Variants in MYH14 observed in about 807,000 individuals in gnomAD.
MYH14 encodes the protein myosin-14.
A neutral mutation model predicts 255.5 loss-of-function variants in MYH14; 123 were observed. The ratio of observed to expected loss-of-function variants is 0.48; its 90% CI spans 0.42 to 0.56. The LOEUF (loss-of-function observed/expected upper bound fraction) is 0.56, where lower values mean the gene tolerates loss of function less well. Among genes scored for constraint, MYH14 ranks in the 20% least tolerant of loss-of-function variants. MYH14 has a pLI of 0.00. For synonymous variants in MYH14, 1,095 were observed against 1,161.2 expected (o/e 0.94, Z 1.16); for missense variants, 2,423 against 2,802.3 (o/e 0.86, Z 3.06).
chr19:50,229,735 A>G (rs2033282349), intron 8 of MYH14, among the ~76,000 whole-genome samples: 1 of 152,218 alleles, frequency 6.6e-6, no homozygotes, highest in Admixed American at 6.5e-5. Context: ...GAGAGCATGC[A>G]GAGTGACAGT....
At chr19:50,306,077 G>A (rs569634530) in intron 40 of MYH14, among the ~76,000 whole-genome samples, 169 of 152,140 alleles carry the variant, frequency 1.1e-3, no homozygotes, top group African/African-American at 3.9e-3. Flanking sequence ...TTGGGAGTTC[G>A]AGACCAGCCT....
intron 24 of MYH14, 130 bp from the exon 25 acceptor site, chr19:50,271,279 C>T: frequency 2.2e-6 from 2 of 913,822 alleles, no homozygotes; most frequent in Non-Finnish European, 3.3e-6. Flanking sequence ...CCCGGCCTCA[C>T]CCAGGGCATG....
chr19:50,250,587 G>T lies in MYH14; in HGVS notation c.1729G>T (p.Val577Leu), dbSNP rs1180522078. The T allele has an allele frequency of 1.9e-6, 3 of 1,614,094 alleles. No individual in the cohort carries two copies. Among genetic ancestry groups the T allele is most frequent in the Non-Finnish European group, 1.7e-6 (2 of 1,179,966 alleles). The change falls in exon 15 of 43, where the codon GTG becomes TTG. Residue 577 changes from valine (V) to leucine (L), a missense_variant. Physicochemically the swap from Val to Leu is conservative, Grantham distance 32. This residue lies in a region of MYH14 where 672 missense variants were observed against 881.8 expected (regional missense o/e 0.76). Transcript: ENST00000642316. This position sits in a 1 kb window ranked among gnomAD's most constrained non-coding sequence, Gnocchi z 5.4. ...CCCGAAGGCCACAGACAAGTCGTTT[G>T]TGGAGAAGGTAGCCCAGGAGCAGGG... ...WFPKATDKSFVEKVAQEQGGH... is the reference protein window; with the variant it reads ...WFPKATDKSFLEKVAQEQGGH...
chr19:50,252,704 C>A lies in MYH14; in HGVS notation c.1896C>A (p.Ala632=). The change falls in exon 16 of 43, where the codon GCC becomes GCA. Residue 632 remains alanine (A), a synonymous_variant. Transcript: ENST00000642316. This position sits in a 1 kb window ranked among gnomAD's most constrained non-coding sequence, Gnocchi z 4.2. ...NMDPLNDNVA[A]LLHQSTDRLT... ...ACCCTCTGAATGACAACGTCGCAGC[C>A]TTGCTCCACCAGAGCACAGACCGGC... 1 of 1,601,424 alleles carries A rather than the reference C, an allele frequency of 6.2e-7. No homozygotes were observed. The highest frequency in any genetic ancestry group is 8.5e-7 in the Non-Finnish European group (1 of 1,174,350).
At chr19:50,273,632 G>GTGTGTGTGTGTGTGTGT (rs1568526399) in intron 27 of MYH14, among the ~76,000 whole-genome samples, 3 of 151,252 alleles carry the variant, frequency 2.0e-5, no homozygotes, top group Non-Finnish European at 2.9e-5. Flanking sequence ...GTGTGTGTGT[G>GTGTGTGTGTGTGTGTGT]GTTAAGAACA....
intron 16 of MYH14, 37 bp from the exon 17 acceptor site, chr19:50,255,183 C>A: frequency 7.3e-7 from 1 of 1,375,900 alleles, no homozygotes; most frequent in African/African-American, 1.4e-5. Context: ...CTGCCATCTC[C>A]CCTCCACCCA....
Position 50,210,651 on chromosome 19 carries a change from A to T in MYH14, c.286A>T (p.Ile96Phe). ...GRRLRLPRDQ[I>F]QRMNPPKFSK... ...GCGGCTGCGACTGCCGCGGGACCAG[A>T]TCCAGCGCATGAACCCGCCCAAGTT... The change falls in exon 2 of 43, where the codon ATC (isoleucine) becomes TTC (phenylalanine). Residue 96 changes from isoleucine to phenylalanine, a missense_variant. Coordinates refer to ENST00000642316, the MANE Select transcript of MYH14 (RefSeq NM_001145809.2). 3 of 1,571,694 alleles carry T rather than the reference A, an allele frequency of 1.9e-6. No individual in the cohort carries two copies. The highest frequency in any genetic ancestry group is 2.6e-6 in the Non-Finnish European group (3 of 1,159,876).
At chr19:50,215,228 G>A (rs1338615298) in intron 2 of MYH14, among the ~76,000 whole-genome samples, 1 of 152,178 alleles carries the variant, frequency 6.6e-6, no homozygotes, top group East Asian at 1.9e-4. Flanking sequence ...GTGGGAGGGT[G>A]GCGTGGGGAG....
chr19:50,250,482 C>T lies in MYH14; in HGVS notation c.1657-33C>T, dbSNP rs773480756. On this transcript the variant is annotated intron_variant, in intron 14 of 42. Coordinates refer to ENST00000642316, the MANE Select transcript of MYH14 (RefSeq NM_001145809.2). The surrounding 1 kb of genome is among the most constrained non-coding windows in gnomAD (Gnocchi z 5.4). ...ACCTGAGTGTCCAATATGTGGGGATCTGACTTACTCTCCCCCTGCTGTCAA... is the reference window on the plus strand; with the variant it reads ...ACCTGAGTGTCCAATATGTGGGGATTTGACTTACTCTCCCCCTGCTGTCAA... 6.3e-7 allele frequency: 1 copy of T among 1,598,578 alleles called. No homozygotes were observed. Among genetic ancestry groups the T allele is most frequent in the South Asian group, 1.1e-5 (1 of 88,764 alleles).
chr19:50,206,111 C>T (rs13344812), intron 1 of MYH14, among the ~76,000 whole-genome samples: 8,634 of 152,074 alleles, frequency 0.057, 654 homozygotes, highest in East Asian at 0.25. Flanking sequence ...GCAGGCCCTG[C>T]CCGCCCCATC....
intron 9 of MYH14, among the ~76,000 whole-genome samples, chr19:50,231,443 C>G (rs2033381022): frequency 6.6e-6 from 1 of 152,230 alleles, no homozygotes; most frequent in South Asian, 2.1e-4. Context: ...CGTGGGGACT[C>G]ATGCCTGCAA....
rs749184471 is a variant in MYH14 at position 50,276,745 on chromosome 19, C to T, written c.3681-12C>T. 1 of 1,613,260 alleles carries T rather than the reference C, an allele frequency of 6.2e-7. No homozygotes were observed. Among genetic ancestry groups the T allele is most frequent in the Admixed American group, 1.7e-5 (1 of 60,024 alleles). ...CTGAAATTCCCATCCTCTCTCCTTTCCCCCAATAAAGGTCCAAGAGGGAAC... is the reference window on the plus strand; with the variant it reads ...CTGAAATTCCCATCCTCTCTCCTTTTCCCCAATAAAGGTCCAAGAGGGAAC... On this transcript the variant is annotated splice_polypyrimidine_tract_variant and intron_variant, in intron 28 of 42. Coordinates refer to ENST00000642316, the MANE Select transcript of MYH14 (RefSeq NM_001145809.2). This position sits in a 1 kb window ranked among gnomAD's most constrained non-coding sequence, Gnocchi z 4.3.
intron 8 of MYH14, among the ~76,000 whole-genome samples, chr19:50,229,394 T>G (rs1443040434): frequency 6.6e-6 from 1 of 152,168 alleles, no homozygotes; most frequent in Non-Finnish European, 1.5e-5. Context: ...ATGCCTGTAA[T>G]CCCAGCACTT....
At chr19:50,297,492 T>TTTTTG in intron 39 of MYH14, among the ~76,000 whole-genome samples, 1 of 32,202 alleles carries the variant, frequency 3.1e-5, no homozygotes. Context: ...TCATCTCCTC[T>TTTTTG]TTTTTTTTTT....
chr19:50,291,534 C>T (rs1272480801), intron 36 of MYH14, among the ~76,000 whole-genome samples: 2 of 152,116 alleles, frequency 1.3e-5, no homozygotes, highest in Non-Finnish European at 2.9e-5. Context: ...AAGTGATCCA[C>T]CCGCCCCCAT....
rs1363099510 is a variant in MYH14 at position 50,280,349 on chromosome 19, G to A, written c.4256G>A (p.Arg1419Gln). The change falls in exon 32 of 43, where the codon CGG (arginine) becomes CAG (glutamine). Residue 1419 changes from arginine to glutamine, a missense_variant. Arg to Gln is a conservative substitution (Grantham distance 43, BLOSUM62 1). This residue lies in a region of MYH14 where 1,513 missense variants were observed against 1,674.8 expected (regional missense o/e 0.90). Transcript: ENST00000642316. This position sits in a 1 kb window ranked among gnomAD's most constrained non-coding sequence, Gnocchi z 4.8. ...QLEEEAAARE[R>Q]AGRELQTAQA... ...GAGGAGGAGGCAGCTGCCAGGGAAC[G>A]GGCGGGCCGTGAACTGCAGACTGCC... is the stretch of plus-strand genomic sequence containing the variant. 1.2e-5 allele frequency: 19 copies of A among 1,547,568 alleles called. No individual in the cohort carries two copies. The highest frequency in any genetic ancestry group is 3.6e-5 in the South Asian group (3 of 83,770).
chr19:50,266,994 G>A lies in MYH14; in HGVS notation c.2812G>A (p.Gly938Ser), dbSNP rs1421333652. 1 of 1,566,658 alleles carries A rather than the reference G, an allele frequency of 6.4e-7. No homozygotes were observed. The highest frequency in any genetic ancestry group is 1.2e-5 in the South Asian group (1 of 85,336). ...CGCCCGCGAAGTTGGGGAGCTCCAG[G>A]GCCGAGTGGCACAGGTGAGGGGGCG... ...QSAREVGELQ[G>S]RVAQLEEERA... is the part of the protein sequence containing the mutation. The change falls in exon 23 of 43, where the codon GGC (glycine) becomes AGC (serine). Residue 938 changes from glycine (G) to serine (S), a missense_variant. Gly to Ser is a moderately conservative substitution (Grantham distance 56). Transcript: ENST00000642316. This position sits in a 1 kb window ranked among gnomAD's most constrained non-coding sequence, Gnocchi z 4.1.
At position 50,293,704 on chromosome 19, in the gene MYH14, G is replaced by A. The variant is rs765623282; in HGVS notation, c.5469+17G>A. On this transcript the variant is annotated intron_variant, in intron 39 of 42. Transcript: ENST00000642316. The surrounding 1 kb of genome is among the most constrained non-coding windows in gnomAD (Gnocchi z 4.1). ...CTCCTGCAGGTGAGCGTGATTGACC[G>A]CCCCCACCAGCCTCAGTCCCCATTG... 56 of 1,538,068 alleles carry A rather than the reference G, an allele frequency of 3.6e-5. No homozygotes were observed. Among genetic ancestry groups the A allele is most frequent in the Middle Eastern group, 3.5e-4 (2 of 5,656 alleles).
chr19:50,305,490 G>T (rs917513693), intron 40 of MYH14, among the ~76,000 whole-genome samples: 6 of 152,186 alleles, frequency 3.9e-5, no homozygotes, highest in Non-Finnish European at 8.8e-5. Context: ...GGCCCCAGAG[G>T]TGCATGAGAC....
Sources: gnomAD v4.1 joint callset for allele counts (sites outside exome capture counted in the v4.1 genomes callset) on GRCh38, gnomAD v4.1.1 for gene constraint, gnomAD v4.1.1 regional missense constraint, Gnocchi (gnomAD v3.1) non-coding constraint, MANE v1.5 for transcripts, NCBI Gene and HGNC (gene_info 2026-07-23, HGNC 2026-07-21) for gene names.